HTATIP2: variants seen among roughly 807,000 people sequenced by gnomAD.
HTATIP2 encodes the protein protein HTATIP2.
HTATIP2 carries 26 observed loss-of-function variants against 24.7 expected under a neutral mutation model. That is an observed-to-expected ratio of 1.05 (90% CI 0.77 to 1.46). The LOEUF is 1.46. Ranked by LOEUF, HTATIP2 falls within the 40% of genes most tolerant of loss-of-function variation. HTATIP2 has a pLI of 0.00. For missense variants in HTATIP2, 284 were observed against 289.6 expected (o/e 0.98, Z 0.14); for synonymous variants, 99 against 113.2 (o/e 0.87, Z 0.79).
chr11:20,371,401 A>G (rs76871592), intron 2 of HTATIP2, among the ~76,000 whole-genome samples: 3,647 of 152,136 alleles, frequency 0.024, 150 homozygotes, highest in African/African-American at 0.083. Context: ...CTACTGCAAA[A>G]TTCTTAAACA....
rs779185313 is a variant in HTATIP2, at chr11:20,383,109, G to A, written c.633G>A (p.Leu211=). 1.9e-6 allele frequency: 3 copies of A among 1,614,024 alleles called. No homozygotes were observed. The East Asian group carries it at 6.7e-5, about 36-fold the overall frequency. ...TGGTGACCGTGGTTAGAGCAATGCT[G>A]AACAATGTGGTGAGACCAAGAGACA... The part of the protein sequence containing the change: ...VPVVTVVRAM[L]NNVVRPRDKQ... The change falls in exon 5 of 5, where the codon CTG becomes CTA. Residue 211 remains leucine (L), a synonymous_variant. Coordinates refer to ENST00000451739, the MANE Select transcript of HTATIP2 (RefSeq NM_001098522.2).
Position 20,382,979 on chromosome 11 carries a change from G to A in HTATIP2, c.504-1G>A, listed in dbSNP as rs773014338. 9 of 1,575,066 alleles carry A rather than the reference G, an allele frequency of 5.7e-6. No individual in the cohort carries two copies. The highest frequency in any genetic ancestry group is 1.9e-5 in the Admixed American group (1 of 53,260). ...TTCTTTTTTTTTTTTTTTTATTTTA[G>A]AGTTCTGTTATGTGATAGGCAAGAA... On this transcript the variant is annotated splice_acceptor_variant, in intron 4 of 4. Coordinates refer to ENST00000451739, the MANE Select transcript of HTATIP2 (RefSeq NM_001098522.2). LOFTEE classifies it high-confidence loss of function.
In HTATIP2 at chr11:20,376,837, A is replaced by C. The variant is rs369212138; in HGVS notation, c.441+120A>C. 8.8e-6 allele frequency: 6 copies of C among 678,448 alleles called. 1 individual carries two copies. The East Asian group carries it at 1.8e-4, about 20-fold the overall frequency. The allele number at this position is 678,448 out of a possible 1,614,324, so 42.0% of individuals were successfully genotyped here. On this transcript the variant is annotated intron_variant, in intron 3 of 4. Transcript: ENST00000451739. ...CAAATGCATCATATTATGCATTTGTATGGCTACGGGACTGCAGGAATATAT... is the reference window on the plus strand; with the variant it reads ...CAAATGCATCATATTATGCATTTGTCTGGCTACGGGACTGCAGGAATATAT...
At chr11:20,373,055 T>A (rs1013668069) in intron 2 of HTATIP2, among the ~76,000 whole-genome samples, 2 of 152,160 alleles carry the variant, frequency 1.3e-5, no homozygotes, top group African/African-American at 4.8e-5. Context: ...CTCAGAGGAT[T>A]TGTGAAATCG....
chr11:20,379,552 A>G (rs1398821986), intron 3 of HTATIP2, among the ~76,000 whole-genome samples: 1 of 152,078 alleles, frequency 6.6e-6, no homozygotes, highest in Non-Finnish European at 1.5e-5. Flanking sequence ...ATTCTACTCA[A>G]TGAAGTTTCA....
At position 20,364,322 on chromosome 11, in the gene HTATIP2, G is replaced by A; in HGVS notation, c.85G>A (p.Glu29Lys). 6.2e-7 allele frequency: 1 copy of A among 1,613,928 alleles called. No homozygotes were observed. Among genetic ancestry groups the A allele is most frequent in the South Asian group, 1.1e-5 (1 of 91,056 alleles). ...CGTCTTTATTTTGGGCGCCAGCGGA[G>A]AAACCGGCAGAGTGCTCTTAAAGGA... ...KSVFILGASG[E>K]TGRVLLKEIL... The change falls in exon 1 of 5, where the codon GAA becomes AAA. Residue 29 changes from glutamate (E) to lysine (K), a missense_variant. Physicochemically the swap from Glu to Lys is moderately conservative, Grantham distance 56. Coordinates refer to ENST00000451739, the MANE Select transcript of HTATIP2 (RefSeq NM_001098522.2).
chr11:20,376,771 A>C (rs2133275026), intron 3 of HTATIP2, 54 bp downstream of exon 3: 1 of 1,388,584 alleles, frequency 7.2e-7, no homozygotes, highest in South Asian at 1.3e-5. Context: ...GCTATTTGGC[A>C]GTACTAAAGA....
At position 20,364,079 on chromosome 11, in the gene HTATIP2, A is replaced by C; in HGVS notation, c.-159A>C. ...GCTCAGGTGCGGGCGATGGCCGGGG[A>C]GCCGCGCCCCGCACGTGACTCAGCA... On this transcript the variant is annotated 5_prime_UTR_variant, in exon 1 of 5. Transcript: ENST00000451739. 7.3e-7 allele frequency: 1 copy of C among 1,364,112 alleles called. No homozygotes were observed. The highest frequency in any genetic ancestry group is 1.9e-5 in the South Asian group (1 of 51,566). 84.5% of individuals were successfully genotyped at this position (1,364,112 alleles called of 1,614,324 possible).
Position 20,376,566 on chromosome 11 carries a change from C to CT in HTATIP2, c.304-10dup. 1 of 1,613,456 alleles carries CT rather than the reference C, an allele frequency of 6.2e-7. No individual in the cohort carries two copies. The highest frequency in any genetic ancestry group is 8.5e-7 in the Non-Finnish European group (1 of 1,179,770). ...CTGCTTTTTGGAAATAACTCATGTC[C>CT]TTTTCCCCCTTAGGAGGGATTTGTT... is the stretch of plus-strand genomic sequence containing the variant. On this transcript the variant is annotated splice_polypyrimidine_tract_variant and intron_variant, in intron 2 of 4. Coordinates refer to ENST00000451739, the MANE Select transcript of HTATIP2 (RefSeq NM_001098522.2).
chr11:20,379,912 G>A (rs1848494481), intron 3 of HTATIP2, among the ~76,000 whole-genome samples: 1 of 152,160 alleles, frequency 6.6e-6, no homozygotes, highest in Non-Finnish European at 1.5e-5. Context: ...ACAACTTATC[G>A]CATTGAAAGG....
intron 2 of HTATIP2, among the ~76,000 whole-genome samples, chr11:20,371,487 C>T (rs1167352427): frequency 6.6e-6 from 1 of 152,148 alleles, no homozygotes; most frequent in Non-Finnish European, 1.5e-5. Context: ...CGGCTCACTG[C>T]AGGAGTGCGA....
In HTATIP2 at chr11:20,363,959, G is replaced by T; in HGVS notation, c.-279G>T. The stretch of plus-strand genomic sequence containing the variant: ...CCGAGCTGGGCCAGGTCTCCTGGCC[G>T]GGCCGGGGATACCGTGGGGTATGCC... On this transcript the variant is annotated 5_prime_UTR_variant, in exon 1 of 5. Transcript: ENST00000451739. The T allele has an allele frequency of 8.0e-7, 1 of 1,243,676 alleles. No homozygotes were observed. 77.0% of individuals were successfully genotyped at this position (1,243,676 alleles called of 1,614,324 possible). A position where few individuals can be genotyped will look rare whatever the true frequency, so the allele number is the denominator to read the frequency against.
At chr11:20,368,278 G>A (rs574772543) in intron 2 of HTATIP2, among the ~76,000 whole-genome samples, 5 of 152,218 alleles carry the variant, frequency 3.3e-5, no homozygotes, top group Admixed American at 2.0e-4. Context: ...AAACATTAAG[G>A]GAGCATATAG....
Position 20,382,257 on chromosome 11 carries a change from A to C in HTATIP2, c.503+18A>C. ...AGGCCTGGGTAAGTATAATATTTAT[A>C]CTGAATGAGAGTATGCCACTGATGG... On this transcript the variant is annotated intron_variant, in intron 4 of 4. Coordinates refer to ENST00000451739, the MANE Select transcript of HTATIP2 (RefSeq NM_001098522.2). 2 of 1,408,084 alleles carry C rather than the reference A, an allele frequency of 1.4e-6. No homozygotes were observed. The highest frequency in any genetic ancestry group is 2.0e-6 in the Non-Finnish European group (2 of 994,242). The allele number at this position is 1,408,084 out of a possible 1,614,324, so 87.2% of individuals were successfully genotyped here. A position where few individuals can be genotyped will look rare whatever the true frequency, so the allele number is the denominator to read the frequency against.
At position 20,363,897 on chromosome 11, in the gene HTATIP2, CGGG is replaced by C; in HGVS notation, c.-338_-336del. On this transcript the variant is annotated 5_prime_UTR_variant, in exon 1 of 5. Coordinates refer to ENST00000451739, the MANE Select transcript of HTATIP2 (RefSeq NM_001098522.2). ...CTGCTGCGTCGTGAGGACCCGGGGC[CGGG>C]GGCTGGCCCCAGGTAACCCCTCCGC... The C allele has an allele frequency of 2.4e-6, 3 of 1,242,772 alleles. No homozygotes were observed. Among genetic ancestry groups the C allele is most frequent in the Non-Finnish European group, 3.0e-6 (3 of 989,730 alleles). The allele number at this position is 1,242,772 out of a possible 1,614,324, so 77.0% of individuals were successfully genotyped here.
intron 3 of HTATIP2, among the ~76,000 whole-genome samples, chr11:20,381,483 T>A (rs10766663): frequency 0.21 from 32,188 of 151,698 alleles, 3,748 homozygotes; most frequent in South Asian, 0.36. Flanking sequence ...AATTAAAAAA[T>A]TTTTAAAAAG....
rs976296816 is a variant in HTATIP2 at position 20,363,770 on chromosome 11, C to T, written c.-468C>T. On this transcript the variant is annotated 5_prime_UTR_variant, in exon 1 of 5. Transcript: ENST00000451739. ...GCCGGGTAGGCGCTGTCTCCGTCGCCTCCAACCCCCCCGGTCCGACCAGGG... is the reference window on the plus strand; with the variant it reads ...GCCGGGTAGGCGCTGTCTCCGTCGCTTCCAACCCCCCCGGTCCGACCAGGG... 6 of 1,238,796 alleles carry T rather than the reference C, an allele frequency of 4.8e-6. No homozygotes were observed. The highest frequency in any genetic ancestry group is 6.1e-6 in the Non-Finnish European group (6 of 987,186). 76.7% of individuals were successfully genotyped at this position (1,238,796 alleles called of 1,614,324 possible).
At chr11:20,367,567 G>A in intron 2 of HTATIP2, 1 of 1,398,210 alleles carries the variant, frequency 7.2e-7, no homozygotes, top group Non-Finnish European at 9.2e-7. Flanking sequence ...CCCTGACTAA[G>A]GGAAACCATG....
At chr11:20,376,545 T>A in intron 2 of HTATIP2, 35 bp from the exon 3 acceptor site, 1 of 1,612,646 alleles carries the variant, frequency 6.2e-7, no homozygotes, top group Non-Finnish European at 8.5e-7. Flanking sequence ...AACTTGCTGC[T>A]TTTTGGAAAT....
Sources: gnomAD v4.1 joint callset for allele counts (sites outside exome capture counted in the v4.1 genomes callset) on GRCh38, gnomAD v4.1.1 for gene constraint, MANE v1.5 for transcripts, NCBI Gene and HGNC (gene_info 2026-07-23, HGNC 2026-07-21) for gene names.